The following DLG2 variants were observed in gnomAD, a reference collection of about 807,000 sequenced individuals.
The protein encoded by DLG2 is disks large homolog 2.
DLG2 carries 45 observed loss-of-function variants against 132.5 expected under a neutral mutation model. That is an observed-to-expected ratio of 0.34 (90% CI 0.27 to 0.44). The LOEUF is 0.44. Among genes scored for constraint, DLG2 ranks in the 20% least tolerant of loss-of-function variants. The pLI is 1.00. For synonymous variants in DLG2, 424 were observed against 419.6 expected, an observed-to-expected ratio of 1.01 and a Z score of -0.13; for missense variants, 1,045 against 1,196.9, an observed-to-expected ratio of 0.87 and a Z score of 1.87.
intron 7 of DLG2, among the ~76,000 whole-genome samples, chr11:84,531,980 A>G (rs1279773320): frequency 1.3e-5 from 2 of 152,170 alleles, no homozygotes; most frequent in Admixed American, 6.5e-5. Flanking sequence ...ACATTTTCCA[A>G]ATGAGACAGT....
At chr11:83,829,247 G>T (rs1007718725) in intron 17 of DLG2, among the ~76,000 whole-genome samples, 2 of 149,974 alleles carry the variant, frequency 1.3e-5, no homozygotes, top group Non-Finnish European at 1.5e-5. Context: ...CCCAGGCTGG[G>T]GTGCAGTGGT....
intron 18 of DLG2, chr11:83,651,959 T>A (rs1473153061): frequency 2.3e-6 from 1 of 431,564 alleles, no homozygotes; most frequent in African/African-American, 2.1e-5. Flanking sequence ...ACAAATCACC[T>A]GAAATCTACA....
chr11:83,674,690 G>C (rs1013174305), intron 18 of DLG2, among the ~76,000 whole-genome samples: 1 of 152,210 alleles, frequency 6.6e-6, no homozygotes, highest in Admixed American at 6.5e-5. Flanking sequence ...TCTGACTCAA[G>C]CATGTTTTCT....
chr11:84,642,904 A>G (rs1221926790), intron 6 of DLG2, among the ~76,000 whole-genome samples: 1 of 152,356 alleles, frequency 6.6e-6, no homozygotes, highest in East Asian at 1.9e-4. Context: ...TAGCTATTTT[A>G]AAAGAATCAA....
intron 6 of DLG2, among the ~76,000 whole-genome samples, chr11:84,947,880 G>A (rs1192918291): frequency 6.6e-6 from 1 of 152,048 alleles, no homozygotes; most frequent in East Asian, 1.9e-4. Context: ...ATGATTTTAG[G>A]CAATTTATTC....
At position 83,883,180 on chromosome 11, in the gene DLG2, C is replaced by T. The variant is rs529883230; in HGVS notation, c.1497-8692G>A. The stretch of plus-strand genomic sequence containing the variant: ...TTTAATTTGAGAACAGTTAACATAT[C>T]GTGTTCCTTCATCTTTTTTTTATAT... On this transcript the variant is annotated intron_variant, in intron 15 of 27. Transcript: ENST00000376104. Among the ~76,000 whole-genome samples the T allele has an allele frequency of 1.1e-3, 166 of 152,000 alleles. 3 individuals carry two copies. The highest frequency in any genetic ancestry group is 8.2e-3 in the Admixed American group (125 of 15,238).
chr11:84,762,926 G>A (rs1448104571), intron 6 of DLG2, among the ~76,000 whole-genome samples: 2 of 152,018 alleles, frequency 1.3e-5, no homozygotes, highest in East Asian at 3.9e-4. Context: ...ATGCATGGAA[G>A]GTTTCTTAAA....
intron 6 of DLG2, among the ~76,000 whole-genome samples, chr11:84,781,057 A>ATGTGTG (rs35479707): frequency 0.19 from 27,523 of 142,790 alleles, 3,242 homozygotes; most frequent in Non-Finnish European, 0.27. Flanking sequence ...TCATAACTTA[A>ATGTGTG]TGTGTGTGTG....
chr11:84,251,150 G>A, intron 8 of DLG2, 88 bp downstream of exon 8: 2 of 776,242 alleles, frequency 2.6e-6, no homozygotes, highest in Non-Finnish European at 4.0e-6. Flanking sequence ...TTTAGTTTGG[G>A]TGAAACTAAA....
intron 6 of DLG2, among the ~76,000 whole-genome samples, chr11:84,806,759 G>T (rs1331404437): frequency 6.6e-6 from 1 of 152,064 alleles, no homozygotes; most frequent in Non-Finnish European, 1.5e-5. Flanking sequence ...ATAAGAAAAA[G>T]CCATAGTAAA....
At chr11:84,245,832 T>C (rs1236819949) in intron 8 of DLG2, among the ~76,000 whole-genome samples, 1 of 152,218 alleles carries the variant, frequency 6.6e-6, no homozygotes, top group Non-Finnish European at 1.5e-5. Flanking sequence ...TAAAGGGACA[T>C]ACACAGATTC....
intron 3 of DLG2, among the ~76,000 whole-genome samples, chr11:85,331,227 T>A (rs1393825287): frequency 6.6e-6 from 1 of 152,168 alleles, no homozygotes; most frequent in East Asian, 1.9e-4. Context: ...AGGCCAAAAC[T>A]GTTAATGAGA....
intron 3 of DLG2, among the ~76,000 whole-genome samples, chr11:85,351,700 A>T (rs958050238): frequency 6.6e-6 from 1 of 152,078 alleles, no homozygotes; most frequent in Non-Finnish European, 1.5e-5. Flanking sequence ...TGTTTACGTG[A>T]TGGATTATAT....
intron 6 of DLG2, among the ~76,000 whole-genome samples, chr11:84,690,608 G>A (rs1482423972): frequency 6.6e-6 from 1 of 151,706 alleles, no homozygotes; most frequent in Non-Finnish European, 1.5e-5. Context: ...TCACTTAATG[G>A]CAGCTATTTA....
intron 7 of DLG2, among the ~76,000 whole-genome samples, chr11:84,520,505 T>A (rs2099293505): frequency 6.6e-6 from 1 of 152,196 alleles, no homozygotes; most frequent in Non-Finnish European, 1.5e-5. Context: ...TAATGTAGCC[T>A]AAAATTACAT....
chr11:85,347,266 C>A (rs1596405291), intron 3 of DLG2, among the ~76,000 whole-genome samples: 1 of 151,940 alleles, frequency 6.6e-6, no homozygotes, highest in African/African-American at 2.4e-5. Context: ...CTTGTTTCTC[C>A]CCCTGAAGCA....
chr11:85,240,338 T>A (rs1191754649), intron 4 of DLG2, among the ~76,000 whole-genome samples: 2 of 151,894 alleles, frequency 1.3e-5, no homozygotes, highest in East Asian at 3.9e-4. Flanking sequence ...AAATCTTATG[T>A]TGATTACTCT....
intron 6 of DLG2, among the ~76,000 whole-genome samples, chr11:85,075,765 T>C (rs554573540): frequency 6.6e-6 from 1 of 152,044 alleles, no homozygotes; most frequent in African/African-American, 2.4e-5. Context: ...AAATATATAA[T>C]ATAATTGTAA....
intron 7 of DLG2, among the ~76,000 whole-genome samples, chr11:84,280,929 G>A (rs1396632822): frequency 8.6e-6 from 1 of 116,368 alleles, no homozygotes; most frequent in East Asian, 2.6e-4. Flanking sequence ...TACTGTGTTA[G>A]CCAGGATGGT....
Sources: gnomAD v4.1 joint callset for allele counts (sites outside exome capture counted in the v4.1 genomes callset) on GRCh38, gnomAD v4.1.1 for gene constraint, MANE v1.5 for transcripts, NCBI Gene and HGNC (gene_info 2026-07-23, HGNC 2026-07-21) for gene names.